DNAH17: variants seen among roughly 807,000 people sequenced by gnomAD.
DNAH17 encodes the protein dynein axonemal heavy chain 17, also known as axonemal beta dynein heavy chain 17.
DNAH17 carries 376 observed loss-of-function variants against 485.6 expected under a neutral mutation model. The observed-to-expected ratio is 0.77, with a 90% CI of 0.71 to 0.84. DNAH17 has a LOEUF of 0.84. Among genes scored for constraint, DNAH17 ranks in the 40% least tolerant of loss-of-function variants. The probability of loss-of-function intolerance (pLI) is 0.00; values close to 1 mark genes in which losing one functional copy is unlikely to be tolerated. For synonymous variants in DNAH17, 3,031 were observed against 2,405.9 expected (o/e 1.26, Z -7.60); for missense variants, 6,370 against 5,839.3 (o/e 1.09, Z -2.96).
In DNAH17 at chr17:78,496,025, C is replaced by T. The variant is rs762429887; in HGVS notation, c.5753G>A (p.Cys1918Tyr). The change falls in exon 38 of 81, where the codon TGT becomes TAT. Residue 1918 changes from cysteine (C) to tyrosine (Y), a missense_variant. By Grantham distance (194) the Cys-to-Tyr change is radical. Coordinates refer to ENST00000389840, the MANE Select transcript of DNAH17 (RefSeq NM_173628.4). ...CTTGGCCCGAATTGCATCCTGGACA[C>T]ATTTTACCTGCACGGTTGGTGACAC... ...VLSVIAVQVK[C>Y]VQDAIRAKKK... 2.8e-5 allele frequency: 45 copies of T among 1,613,284 alleles called. No individual in the cohort carries two copies. The highest frequency in any genetic ancestry group is 1.2e-5 in the Non-Finnish European group (14 of 1,179,474).
rs778235719 is a variant in DNAH17 at position 78,437,772 on chromosome 17, C to T, written c.11902G>A (p.Ala3968Thr). 12 of 1,612,430 alleles carry T rather than the reference C, an allele frequency of 7.4e-6. No individual in the cohort carries two copies. Among genetic ancestry groups the T allele is most frequent in the East Asian group, 4.5e-5 (2 of 44,902 alleles). Residue 3968 changes from alanine (A) to threonine (T), a missense_variant, in exon 74 of 81, where the codon GCG (alanine) becomes ACG (threonine). Coordinates refer to ENST00000389840, the MANE Select transcript of DNAH17 (RefSeq NM_173628.4). ...SHEDYRVFISAEPAPSPETHI... is the reference protein window; with the variant it reads ...SHEDYRVFISTEPAPSPETHI... ...GTCTCGGGGCTGGGGGCAGGCTCCG[C>T]GCTGATGAACACCCGGTAGTCCTCA...
intron 42 of DNAH17, 95 bp from the exon 43 acceptor site, chr17:78,491,665 G>A (rs2089864126): frequency 6.7e-7 from 1 of 1,489,288 alleles, no homozygotes; most frequent in Non-Finnish European, 9.0e-7. Flanking sequence ...CTGGGAGGGA[G>A]CCTGTCCCCT....
At position 78,450,404 on chromosome 17, in the gene DNAH17, A is replaced by C; in HGVS notation, c.10900-10T>G. Reference sequence around the variant, plus strand: ...TTTTTGCCTCCACCACCTCGACACAAACAAAAGGGGTGTGAATGACACAGC... The same window carrying C: ...TTTTTGCCTCCACCACCTCGACACACACAAAAGGGGTGTGAATGACACAGC... On this transcript the variant is annotated splice_polypyrimidine_tract_variant and intron_variant, in intron 67 of 80. Coordinates refer to ENST00000389840, the MANE Select transcript of DNAH17 (RefSeq NM_173628.4). 1.2e-6 allele frequency: 2 copies of C among 1,613,562 alleles called. No individual in the cohort carries two copies. Among genetic ancestry groups the C allele is most frequent in the Non-Finnish European group, 1.7e-6 (2 of 1,179,766 alleles).
intron 10 of DNAH17, 121 bp from the exon 11 acceptor site, chr17:78,566,851 C>G (rs1458795628): frequency 1.7e-5 from 22 of 1,304,040 alleles, no homozygotes; most frequent in Non-Finnish European, 2.2e-5. Context: ...TGTGCTGTTG[C>G]GGGGACCGCT....
intron 74 of DNAH17, among the ~76,000 whole-genome samples, chr17:78,437,068 A>AG (rs2086872516): frequency 6.6e-6 from 1 of 152,174 alleles, no homozygotes; most frequent in African/African-American, 2.4e-5. Flanking sequence ...CAGCCACTAC[A>AG]GCTGTTAGCA....
intron 55 of DNAH17, 49 bp downstream of exon 55, chr17:78,468,568 C>T (rs753063096): frequency 7.6e-6 from 12 of 1,577,766 alleles, no homozygotes; most frequent in Admixed American, 1.8e-5. Context: ...CTGTAGGCCA[C>T]GGGCACCAAG....
chr17:78,481,466 A>C (rs532096963), intron 48 of DNAH17, among the ~76,000 whole-genome samples: 10 of 152,274 alleles, frequency 6.6e-5, no homozygotes, highest in African/African-American at 1.9e-4. Flanking sequence ...ATTTTGAAAC[A>C]AGAGGCAAAA....
At chr17:78,458,249 C>T (rs1018914024) in intron 62 of DNAH17, among the ~76,000 whole-genome samples, 2 of 152,206 alleles carry the variant, frequency 1.3e-5, no homozygotes, top group Non-Finnish European at 2.9e-5. Flanking sequence ...CCACTGGCTG[C>T]GAAAGGATCC....
At chr17:78,523,989 A>G (rs756708290) in intron 25 of DNAH17, among the ~76,000 whole-genome samples, 2 of 152,206 alleles carry the variant, frequency 1.3e-5, no homozygotes, top group Non-Finnish European at 2.9e-5. Context: ...AAACCACAAA[A>G]TCTTTCTCAT....
rs1472738961 is a variant in DNAH17 at position 78,460,336 on chromosome 17, A to ATGTG, written c.9340-83_9340-80dup. On this transcript the variant is annotated intron_variant, in intron 58 of 80. Coordinates refer to ENST00000389840, the MANE Select transcript of DNAH17 (RefSeq NM_173628.4). Reference sequence around the variant, plus strand: ...GGGGCGTGTACGTGCATGTGTGTGCATGTGTGTGCATGTGTGTGCATGTAT... The same window carrying ATGTG: ...GGGGCGTGTACGTGCATGTGTGTGCATGTGTGTGTGTGCATGTGTGTGCATGTAT... The ATGTG allele has an allele frequency of 3.4e-6, 3 of 894,596 alleles. No individual in the cohort carries two copies. The African/African-American group carries it at 4.8e-5, about 14-fold the overall frequency. 55.4% of individuals were successfully genotyped at this position (894,596 alleles called of 1,614,324 possible).
chr17:78,534,142 A>G (rs1226795730), intron 19 of DNAH17, among the ~76,000 whole-genome samples: 1 of 152,018 alleles, frequency 6.6e-6, no homozygotes, highest in Non-Finnish European at 1.5e-5. Flanking sequence ...CCTTTACCCA[A>G]CTCTCACACC....
chr17:78,446,173 C>CAAA (rs1157464118), intron 69 of DNAH17, among the ~76,000 whole-genome samples: 1,066 of 57,366 alleles, frequency 0.019, 173 homozygotes, highest in African/African-American at 0.067. Flanking sequence ...GACTCTGTCT[C>CAAA]AAAAAAAAAA....
intron 43 of DNAH17, 87 bp from the exon 44 acceptor site, chr17:78,490,934 C>A (rs1681788582): frequency 7.0e-7 from 1 of 1,438,090 alleles, no homozygotes; most frequent in Non-Finnish European, 9.2e-7. Context: ...TCGGAGCAAA[C>A]CTCCGAGCAA....
At chr17:78,517,323 C>A (rs1251064594) in intron 25 of DNAH17, among the ~76,000 whole-genome samples, 2 of 152,164 alleles carry the variant, frequency 1.3e-5, no homozygotes, top group African/African-American at 2.4e-5. Flanking sequence ...GGATTACAGG[C>A]GTGAGCCACC....
chr17:78,463,340 A>G (rs1281276242), intron 56 of DNAH17, among the ~76,000 whole-genome samples: 1 of 152,256 alleles, frequency 6.6e-6, no homozygotes, highest in Non-Finnish European at 1.5e-5. Flanking sequence ...GCATACATGC[A>G]CACACATGCA....
In DNAH17 at chr17:78,566,700, T is replaced by C; in HGVS notation, c.1483A>G (p.Ile495Val). 1 of 1,608,452 alleles carries C rather than the reference T, an allele frequency of 6.2e-7. No individual in the cohort carries two copies. The highest frequency in any genetic ancestry group is 1.1e-5 in the South Asian group (1 of 89,656). The change falls in exon 11 of 81, where the codon ATC (isoleucine) becomes GTC (valine). Residue 495 changes from isoleucine (I) to valine (V), a missense_variant. Ile to Val is a conservative substitution (Grantham distance 29). Coordinates refer to ENST00000389840, the MANE Select transcript of DNAH17 (RefSeq NM_173628.4). ...CTCCTATCCAGGTCTTGGATTTTGA[T>C]CTCAAAATCAGCATAATCACGGTCA... ...NFDRDYADFE[I>V]KIQDLDRRLA... is the part of the protein sequence containing the mutation.
chr17:78,521,510 C>T (rs691411), intron 25 of DNAH17, among the ~76,000 whole-genome samples: 29,830 of 151,964 alleles, frequency 0.2, 3,431 homozygotes, highest in East Asian at 0.47. Context: ...TGAACCTTAA[C>T]CCAATAAACC....
At position 78,481,092 on chromosome 17, in the gene DNAH17, C is replaced by T. The variant is rs567251412; in HGVS notation, c.7650-306G>A. Among the ~76,000 whole-genome samples the T allele has an allele frequency of 6.2e-3, 903 of 145,658 alleles. 9 individuals carry two copies. The highest frequency in any genetic ancestry group is 0.022 in the African/African-American group (847 of 38,802). On this transcript the variant is annotated intron_variant, in intron 48 of 80. Coordinates refer to ENST00000389840, the MANE Select transcript of DNAH17 (RefSeq NM_173628.4). ...TTACAAGTGTGAGCCACCACGCCCG[C>T]CCCCCATCCCCCGGCTTTTTTTTTT...
chr17:78,474,840 CTT>C (rs1568110763), intron 54 of DNAH17, among the ~76,000 whole-genome samples: 2 of 151,876 alleles, frequency 1.3e-5, no homozygotes, highest in Non-Finnish European at 2.9e-5. Flanking sequence ...GTTTCACTCT[CTT>C]CACCTCAGTC....
Sources: allele counts gnomAD v4.1 joint callset (sites outside exome capture counted in the v4.1 genomes callset), GRCh38; gene constraint gnomAD v4.1.1; transcripts MANE v1.5; gene names NCBI Gene and HGNC (gene_info 2026-07-23, HGNC 2026-07-21).